The following MYO19 variants were observed in gnomAD, a reference collection of about 807,000 sequenced individuals.
MYO19 encodes unconventional myosin-XIX.
Under a neutral mutation model 129.2 loss-of-function variants are expected in MYO19, and 132 were observed. The observed-to-expected ratio is 1.02, with a 90% CI of 0.89 to 1.18. The LOEUF (loss-of-function observed/expected upper bound fraction) is 1.18, where lower values mean the gene tolerates loss of function less well. Among genes scored for constraint, MYO19 ranks in the 50% most tolerant of loss-of-function variants. MYO19 has a pLI of 0.00. For missense variants in MYO19, 1,210 were observed against 1,216.7 expected (o/e 0.99, Z 0.08); for synonymous variants, 531 against 477.2 (o/e 1.11, Z -1.47).
At chr17:36,537,391 TA>T (rs1277274231), upstream of MYO19, 1 of 1,614,084 alleles carries the variant, frequency 6.2e-7, no homozygotes, top group African/African-American at 1.3e-5. Flanking sequence ...TTGTATCAAA[TA>T]TACCGAAGGA....
intron 12 of MYO19, 117 bp downstream of exon 12, chr17:36,511,248 G>T: frequency 9.3e-7 from 1 of 1,080,588 alleles, no homozygotes; most frequent in Non-Finnish European, 1.4e-6. Flanking sequence ...CCCTATGGTG[G>T]GTGGCATAAG....
chr17:36,511,793 C>A (rs936086611), intron 11 of MYO19, among the ~76,000 whole-genome samples: 1 of 152,190 alleles, frequency 6.6e-6, no homozygotes, highest in African/African-American at 2.4e-5. Context: ...CCATCCTCTA[C>A]ATTTCTGCCC....
upstream of MYO19, chr17:36,544,814 G>C (rs932210855): frequency 6.6e-6 from 1 of 152,666 alleles, no homozygotes; most frequent in African/African-American, 2.4e-5. Context: ...TCTCCAGCGG[G>C]GTCCCCAGCG....
chr17:36,515,224 C>G (rs1567762700), intron 7 of MYO19, 42 bp from the exon 8 acceptor site: 1 of 1,578,530 alleles, frequency 6.3e-7, no homozygotes, highest in South Asian at 1.1e-5. Context: ...CCTGGGTTTG[C>G]AGAGTCCTCA....
At chr17:36,506,853 G>A in intron 17 of MYO19, 110 bp downstream of exon 17, 1 of 1,324,780 alleles carries the variant, frequency 7.5e-7, no homozygotes, top group Non-Finnish European at 1.0e-6. Flanking sequence ...TGGATTCTGG[G>A]AGGAGGTTCA....
chr17:36,510,746 C>A lies in MYO19; in HGVS notation c.1157G>T (p.Arg386Leu). 6.2e-7 allele frequency: 1 copy of A among 1,600,246 alleles called. No homozygotes were observed. Among genetic ancestry groups the A allele is most frequent in the East Asian group, 2.3e-5 (1 of 44,312 alleles). The change falls in exon 13 of 26, where the codon CGG (arginine) becomes CTG (leucine). Residue 386 changes from arginine (R) to leucine (L), a missense_variant and splice_region_variant. Arg to Leu is a moderately radical substitution (Grantham distance 102). Coordinates refer to ENST00000614623, the MANE Select transcript of MYO19 (RefSeq NM_001163735.2). ...RDCLAKLIYA[R>L]LFDWLVSVIN... ...ACAAGGGGCCAGAGTAACTGCTCACCGCGCATAGATCAGTTTGGCCAGGCA... is the reference window on the plus strand; with the variant it reads ...ACAAGGGGCCAGAGTAACTGCTCACAGCGCATAGATCAGTTTGGCCAGGCA...
chr17:36,499,879 GAC>G (rs1335254848), intron 23 of MYO19: 3 of 140,662 alleles, frequency 2.1e-5, no homozygotes, highest in Non-Finnish European at 4.7e-5. Context: ...TTTTTTTTGA[GAC>G]AGAGTCTTGC....
intron 23 of MYO19, chr17:36,499,858 TG>T (rs1198748429): frequency 3.8e-5 from 5 of 130,874 alleles, no homozygotes; most frequent in African/African-American, 1.3e-4. Context: ...AATTATGTTT[TG>T]TTGTTTTTTT....
intron 9 of MYO19, 24 bp from the exon 10 acceptor site, chr17:36,513,749 G>T: frequency 1.2e-6 from 2 of 1,603,384 alleles, no homozygotes; most frequent in Non-Finnish European, 1.7e-6. Context: ...TAGGTGGGAG[G>T]CTGGGTAGGG....
chr17:36,501,430 T>C, intron 21 of MYO19, 195 bp from the exon 22 acceptor site: 1 of 571,224 alleles, frequency 1.8e-6, no homozygotes, highest in Non-Finnish European at 3.0e-6. Flanking sequence ...GTGCTAGCTG[T>C]TCCGTGGAGC....
intron 2 of MYO19, chr17:36,533,603 T>C (rs575727807): frequency 1.3e-5 from 2 of 152,340 alleles, no homozygotes; most frequent in South Asian, 2.1e-4. Flanking sequence ...GGGACTTCCA[T>C]AGAAGCTGGA....
chr17:36,540,331 G>T (rs1481948055), intron 2 of MYO19, among the ~76,000 whole-genome samples: 1 of 149,864 alleles, frequency 6.7e-6, no homozygotes, highest in East Asian at 2.0e-4. Context: ...GATTACAGGC[G>T]TCGTGATCCT....
At chr17:36,536,211 G>A (rs1006235765), upstream of MYO19, among the ~76,000 whole-genome samples, 2 of 152,078 alleles carry the variant, frequency 1.3e-5, no homozygotes, top group Non-Finnish European at 2.9e-5. Flanking sequence ...ATCCTAACCT[G>A]AAAACATAGC....
intron 11 of MYO19, chr17:36,512,761 T>C (rs1361432450): frequency 1.6e-6 from 2 of 1,288,824 alleles, no homozygotes; most frequent in African/African-American, 1.5e-5. Flanking sequence ...GGCCATCCTA[T>C]CTATCCCCTC....
At chr17:36,516,731 T>C (rs1212040041) in intron 6 of MYO19, among the ~76,000 whole-genome samples, 1 of 152,210 alleles carries the variant, frequency 6.6e-6, no homozygotes, top group Non-Finnish European at 1.5e-5. Context: ...ATACTTTCAT[T>C]TTAACTTCTA....
At chr17:36,538,578 G>T, upstream of MYO19, 6 of 1,612,868 alleles carry the variant, frequency 3.7e-6, no homozygotes, top group Non-Finnish European at 5.1e-6. Flanking sequence ...AATTGTATAT[G>T]TACTATATTT....
intron 15 of MYO19, 65 bp from the exon 16 acceptor site, chr17:36,507,577 C>T (rs1374947902): frequency 7.2e-6 from 11 of 1,518,860 alleles, no homozygotes; most frequent in Non-Finnish European, 1.0e-5. Flanking sequence ...ACGGGCCATC[C>T]ACGGCTGGCC....
intron 5 of MYO19, among the ~76,000 whole-genome samples, chr17:36,525,938 G>A (rs926582311): frequency 2.0e-5 from 3 of 152,194 alleles, no homozygotes; most frequent in African/African-American, 7.2e-5. Flanking sequence ...GCAGACAGCA[G>A]ACAGGGCTCT....
chr17:36,512,448 C>T (rs1315318138), intron 11 of MYO19, among the ~76,000 whole-genome samples: 2 of 152,070 alleles, frequency 1.3e-5, no homozygotes, highest in African/African-American at 4.8e-5. Flanking sequence ...GGGACCCCAC[C>T]CACCATTCCT....
Sources: gnomAD v4.1 joint callset for allele counts (sites outside exome capture counted in the v4.1 genomes callset) on GRCh38, gnomAD v4.1.1 for gene constraint, MANE v1.5 for transcripts, NCBI Gene and HGNC (gene_info 2026-07-23, HGNC 2026-07-21) for gene names.